Variants in GRM7 observed in about 807,000 individuals in gnomAD.
GRM7 encodes glutamate metabotropic receptor 7, also known as metabotropic glutamate receptor 7.
GRM7 carries 35 observed loss-of-function variants against 84.5 expected under a neutral mutation model. The ratio of observed to expected loss-of-function variants is 0.41; its 90% CI spans 0.32 to 0.55. The LOEUF is 0.55. Ranked by LOEUF, GRM7 falls within the 20% of genes least tolerant of loss-of-function variation. The probability of loss-of-function intolerance (pLI) is 0.19; values close to 1 mark genes in which losing one functional copy is unlikely to be tolerated. For synonymous variants in GRM7, 487 were observed against 455.1 expected, an observed-to-expected ratio of 1.07 and a Z score of -0.89; for missense variants, 1,003 against 1,194.6, an observed-to-expected ratio of 0.84 and a Z score of 2.36.
chr3:6,875,338 C>A (rs1339821278), intron 1 of GRM7, among the ~76,000 whole-genome samples: 1 of 151,952 alleles, frequency 6.6e-6, no homozygotes, highest in Admixed American at 6.6e-5. Flanking sequence ...TTGTAATAAT[C>A]CCCATGTGCT....
At chr3:7,560,811 A>C (rs1383948202) in intron 7 of GRM7, among the ~76,000 whole-genome samples, 2 of 152,080 alleles carry the variant, frequency 1.3e-5, no homozygotes, top group Non-Finnish European at 2.9e-5. Flanking sequence ...TAATTCTATC[A>C]GCACATTATT....
chr3:7,004,096 C>T (rs189181837), intron 1 of GRM7, among the ~76,000 whole-genome samples: 31 of 152,276 alleles, frequency 2.0e-4, no homozygotes, highest in African/African-American at 7.2e-4. Flanking sequence ...GGGCTCAGAA[C>T]AGAAGCTGCA....
At chr3:7,267,240 T>C (rs190889019) in intron 2 of GRM7, among the ~76,000 whole-genome samples, 1 of 152,360 alleles carries the variant, frequency 6.6e-6, no homozygotes, top group Non-Finnish European at 1.5e-5. Flanking sequence ...TTGGCAACTA[T>C]TGATTAGGCC....
intron 2 of GRM7, among the ~76,000 whole-genome samples, chr3:7,261,792 C>G (rs1396305969): frequency 6.6e-6 from 1 of 152,136 alleles, no homozygotes; most frequent in Non-Finnish European, 1.5e-5. Context: ...ATGATGATAA[C>G]AAATTCCCTC....
intron 1 of GRM7, among the ~76,000 whole-genome samples, chr3:6,891,395 G>A (rs1209843426): frequency 6.6e-6 from 1 of 152,114 alleles, no homozygotes; most frequent in Non-Finnish European, 1.5e-5. Context: ...CGCGTTTAGT[G>A]CTTCCTTCAG....
intron 4 of GRM7, among the ~76,000 whole-genome samples, chr3:7,327,845 A>G (rs926008850): frequency 1.3e-5 from 2 of 152,358 alleles, no homozygotes; most frequent in Middle Eastern, 3.4e-3. Context: ...TAATTTCAAA[A>G]GCAACCATTT....
chr3:7,541,102 G>C (rs1054285355), intron 7 of GRM7, among the ~76,000 whole-genome samples: 2 of 152,068 alleles, frequency 1.3e-5, no homozygotes, highest in Non-Finnish European at 2.9e-5. Context: ...TCAGGAGTTT[G>C]GCAATATTCA....
chr3:7,270,849 G>A (rs796373213), intron 2 of GRM7, among the ~76,000 whole-genome samples: 9 of 152,318 alleles, frequency 5.9e-5, no homozygotes, highest in African/African-American at 2.2e-4. Flanking sequence ...TGAAGAGAAA[G>A]GCATACCAGA....
At chr3:6,919,405 A>T (rs777969918) in intron 1 of GRM7, among the ~76,000 whole-genome samples, 27 of 132,838 alleles carry the variant, frequency 2.0e-4, no homozygotes, top group Non-Finnish European at 3.2e-4. Flanking sequence ...TGGGGTTTCC[A>T]CCATGTTGGC....
chr3:7,152,131 G>A (rs1388981063), intron 2 of GRM7, among the ~76,000 whole-genome samples: 1 of 152,068 alleles, frequency 6.6e-6, no homozygotes, highest in Non-Finnish European at 1.5e-5. Flanking sequence ...AGTTCCTCAA[G>A]AAAGACTTGC....
chr3:7,560,772 C>T (rs1023958586), intron 7 of GRM7, among the ~76,000 whole-genome samples: 24 of 152,146 alleles, frequency 1.6e-4, no homozygotes, highest in African/African-American at 5.3e-4. Flanking sequence ...CTACTTCTCT[C>T]ATCTTCTATT....
At chr3:6,997,635 G>C (rs1364477076) in intron 1 of GRM7, among the ~76,000 whole-genome samples, 1 of 152,130 alleles carries the variant, frequency 6.6e-6, no homozygotes. Flanking sequence ...TTCAAGATGA[G>C]AGGTGGGTGG....
intron 2 of GRM7, among the ~76,000 whole-genome samples, chr3:7,232,841 G>A (rs1697236934): frequency 6.6e-6 from 1 of 152,162 alleles, no homozygotes; most frequent in South Asian, 2.1e-4. Context: ...TGCTTAAGAT[G>A]AGCTTGCAGG....
chr3:7,694,183 T>C (rs1160876816), intron 9 of GRM7, among the ~76,000 whole-genome samples: 1 of 152,128 alleles, frequency 6.6e-6, no homozygotes, highest in African/African-American at 2.4e-5. Context: ...GAAAAGATCA[T>C]CTCTCTGTGT....
chr3:7,568,395 GGAAGAGCAA>G (rs1282175883), intron 7 of GRM7, among the ~76,000 whole-genome samples: 1 of 152,242 alleles, frequency 6.6e-6, no homozygotes, highest in Non-Finnish European at 1.5e-5. Context: ...TGAAAGGCAA[GGAAGAGCAA>G]GTGACGTCTT....
chr3:7,303,811 A>G (rs7613703), intron 3 of GRM7, among the ~76,000 whole-genome samples: 6,624 of 152,038 alleles, frequency 0.044, 439 homozygotes, highest in African/African-American at 0.14. Context: ...ATCAGTTATT[A>G]TCATTTGAAG....
rs543275036 is a variant in GRM7, at chr3:7,197,119, T to C, written c.736+50451T>C. Among the ~76,000 whole-genome samples, 4 of 152,276 alleles carry C rather than the reference T, an allele frequency of 2.6e-5. No homozygotes were observed. The East Asian group carries it at 7.7e-4, about 29-fold the overall frequency. ...CAGCAGATTAGGAAGTAGGACAAGA[T>C]GATTTTGCTTTGTATTAATAACAAA... On this transcript the variant is annotated intron_variant, in intron 2 of 9. Coordinates refer to ENST00000357716, the MANE Select transcript of GRM7 (RefSeq NM_000844.4).
At position 7,452,664 on chromosome 3, in the gene GRM7, T is replaced by C; in HGVS notation, c.1232T>C (p.Val411Ala). 6.2e-7 allele frequency: 1 copy of C among 1,613,500 alleles called. No homozygotes were observed. The highest frequency in any genetic ancestry group is 1.7e-5 in the Admixed American group (1 of 59,936). The change falls in exon 6 of 10, where the codon GTG becomes GCG. Residue 411 changes from valine (V) to alanine (A), a missense_variant. By Grantham distance (64) the Val-to-Ala change is moderately conservative. Coordinates refer to ENST00000357716, the MANE Select transcript of GRM7 (RefSeq NM_000844.4). ...NYEQEGKVQFVIDAVYAMAHA... is the reference protein window; with the variant it reads ...NYEQEGKVQFAIDAVYAMAHA... ...GAGCAGGAGGGTAAAGTCCAGTTCG[T>C]GATTGACGCAGTCTATGCTATGGCT... is the stretch of plus-strand genomic sequence containing the variant.
At chr3:7,659,065 C>T (rs1300199681) in intron 8 of GRM7, among the ~76,000 whole-genome samples, 1 of 152,138 alleles carries the variant, frequency 6.6e-6, no homozygotes, top group Non-Finnish European at 1.5e-5. Context: ...ACTGAATATT[C>T]GTTTGTCTGA....
Sources: allele counts gnomAD v4.1 joint callset (sites outside exome capture counted in the v4.1 genomes callset), GRCh38; gene constraint gnomAD v4.1.1; transcripts MANE v1.5; gene names NCBI Gene and HGNC (gene_info 2026-07-23, HGNC 2026-07-21).